ABCB4: variants seen among roughly 807,000 people sequenced by gnomAD.
ABCB4 encodes ATP binding cassette subfamily B member 4.
A neutral mutation model predicts 145.7 loss-of-function variants in ABCB4; 76 were observed. The ratio of observed to expected loss-of-function variants is 0.52; its 90% CI spans 0.43 to 0.63. The LOEUF is 0.63. Among genes scored for constraint, ABCB4 ranks in the 30% least tolerant of loss-of-function variants. ABCB4 has a pLI of 0.00. For synonymous variants in ABCB4, 517 were observed against 566.8 expected (o/e 0.91, Z 1.25); for missense variants, 1,234 against 1,553.1 (o/e 0.79, Z 3.45).
At chr7:87,416,920 A>G (rs751650822) in intron 21 of ABCB4, among the ~76,000 whole-genome samples, 1 of 152,236 alleles carries the variant, frequency 6.6e-6, no homozygotes, top group Admixed American at 6.5e-5. Context: ...ATCACAGCCA[A>G]AAAGAAGAGG....
At chr7:87,373,718 A>T in the ABCB4 span, among the ~76,000 whole-genome samples, 1 of 152,086 alleles carries the variant, frequency 6.6e-6, no homozygotes, top group Non-Finnish European at 1.5e-5. Context: ...AAAGGTGATC[A>T]TTGAAACTAT....
the ABCB4 span, among the ~76,000 whole-genome samples, chr7:87,384,694 C>T: frequency 2.0e-5 from 3 of 152,206 alleles, no homozygotes. Flanking sequence ...GTTTCCTCTG[C>T]AGTGCAGAAG....
intron 5 of ABCB4, among the ~76,000 whole-genome samples, chr7:87,453,345 G>A (rs1811887440): frequency 6.6e-6 from 1 of 151,904 alleles, no homozygotes. Context: ...CACCATACCT[G>A]GCTAATTTTT....
At chr7:87,412,575 C>T (rs1185462756) in intron 22 of ABCB4, among the ~76,000 whole-genome samples, 1 of 152,152 alleles carries the variant, frequency 6.6e-6, no homozygotes, top group Non-Finnish European at 1.5e-5. Context: ...TTATTTTGTA[C>T]AGTTTCTAAT....
intron 21 of ABCB4, among the ~76,000 whole-genome samples, chr7:87,415,901 A>G (rs550213831): frequency 9.8e-5 from 15 of 152,292 alleles, no homozygotes; most frequent in African/African-American, 3.1e-4. Flanking sequence ...ATTCTCCCAT[A>G]TGAAATGTGG....
intron 22 of ABCB4, among the ~76,000 whole-genome samples, chr7:87,412,977 T>C (rs889525102): frequency 4.6e-5 from 7 of 152,216 alleles, no homozygotes; most frequent in African/African-American, 1.4e-4. Context: ...TTCAAAGATA[T>C]CTGTTCAAAT....
chr7:87,426,818 A>G lies in ABCB4; in HGVS notation c.1996T>C (p.Ser666Pro). Reference sequence around the variant, plus strand: ...GAATTTTTAAGGTTTTTCTGAGTAGAATGCCTAAATAGGCGAGATTTCCAG... The same window carrying G: ...GAATTTTTAAGGTTTTTCTGAGTAGGATGCCTAAATAGGCGAGATTTCCAG... ...NGWKSRLFRHSTQKNLKNSQM... is the reference protein window; with the variant it reads ...NGWKSRLFRHPTQKNLKNSQM... The change falls in exon 16 of 28, where the codon TCT becomes CCT. Residue 666 changes from serine (S) to proline (P), a missense_variant. Ser to Pro is a moderately conservative substitution (Grantham distance 74). Transcript: ENST00000649586. 1 of 1,614,072 alleles carries G rather than the reference A, an allele frequency of 6.2e-7. No individual in the cohort carries two copies. Among genetic ancestry groups the G allele is most frequent in the East Asian group, 2.2e-5 (1 of 44,860 alleles).
At chr7:87,475,533 C>A (rs1218941449) in intron 1 of ABCB4, 62 bp from the exon 2 acceptor site, 1 of 1,555,742 alleles carries the variant, frequency 6.4e-7, no homozygotes, top group African/African-American at 1.4e-5. Context: ...GCGCACGAGT[C>A]GCGGGGCCCG....
rs1349163857 is a variant in ABCB4 at position 87,406,358 on chromosome 7, A to G, written c.3416T>C (p.Val1139Ala). The change falls in exon 26 of 28, where the codon GTA (valine) becomes GCA (alanine). Residue 1139 changes from valine (V) to alanine (A), a missense_variant. Physicochemically the swap from Val to Ala is moderately conservative, Grantham distance 64 (BLOSUM62 0). This residue lies in a region of ABCB4 where 301 missense variants were observed against 389.0 expected (regional missense o/e 0.77). Coordinates refer to ENST00000649586, the MANE Select transcript of ABCB4 (RefSeq NM_000443.4). The part of the protein sequence containing the change: ...NIAYGDNSRV[V>A]SQDEIVSAAK... ...TGCACTCACAATTTCATCCTGTGAT[A>G]CAACCCGGCTGTTGTCTCCATAGGC... The G allele has an allele frequency of 6.2e-7, 1 of 1,614,160 alleles. No homozygotes were observed. The highest frequency in any genetic ancestry group is 1.7e-5 in the Admixed American group (1 of 60,028).
the ABCB4 span, among the ~76,000 whole-genome samples, chr7:87,389,443 A>G: frequency 2.6e-5 from 4 of 152,238 alleles, no homozygotes; most frequent in Non-Finnish European, 5.9e-5. Context: ...CTATGCAGCC[A>G]TAAAAGAGGA....
At chr7:87,450,283 C>T (rs1385035334) in intron 7 of ABCB4, among the ~76,000 whole-genome samples, 191 bp from the exon 8 acceptor site, 1 of 152,160 alleles carries the variant, frequency 6.6e-6, no homozygotes, top group Non-Finnish European at 1.5e-5. Context: ...CTGACCCACC[C>T]TGGTGATAGG....
chr7:87,393,136 C>T, the ABCB4 span: 3 of 1,491,444 alleles, frequency 2.0e-6, no homozygotes, highest in Non-Finnish European at 2.7e-6. Context: ...TTTTTAAATG[C>T]CTTTCCTACA....
the ABCB4 span, among the ~76,000 whole-genome samples, chr7:87,378,657 A>G: frequency 8.5e-5 from 13 of 152,156 alleles, no homozygotes; most frequent in South Asian, 2.1e-4. Context: ...TTTGTTTCCA[A>G]TGGTTACAGC....
intron 12 of ABCB4, among the ~76,000 whole-genome samples, chr7:87,442,450 T>A (rs1811052010): frequency 6.6e-6 from 1 of 152,168 alleles, no homozygotes. Context: ...TAATCCATTT[T>A]AATATCAGAT....
rs775627329 is a variant in ABCB4, at chr7:87,440,394, A to G, written c.1365T>C (p.Ile455=). Reference sequence around the variant, plus strand: ...TAAAGTTCCTAATATCCTGCCCATCAATGTTAATCTGAAAGAAAGAAATAT... The same window carrying G: ...TAAAGTTCCTAATATCCTGCCCATCGATGTTAATCTGAAAGAAAGAAATAT... ...LYDPDEGTIN[I]DGQDIRNFNV... The change falls in exon 13 of 28, where the codon ATT becomes ATC. Residue 455 remains isoleucine, a synonymous_variant. Coordinates refer to ENST00000649586, the MANE Select transcript of ABCB4 (RefSeq NM_000443.4). 1 of 1,613,736 alleles carries G rather than the reference A, an allele frequency of 6.2e-7. No individual in the cohort carries two copies. The highest frequency in any genetic ancestry group is 1.7e-5 in the Admixed American group (1 of 60,018).
chr7:87,460,292 T>A (rs1056706948), intron 4 of ABCB4, among the ~76,000 whole-genome samples: 1 of 152,168 alleles, frequency 6.6e-6, no homozygotes, highest in African/African-American at 2.4e-5. Flanking sequence ...TTAAAATAAT[T>A]TCAATTTTTA....
At chr7:87,398,550 A>T, downstream of ABCB4, 1 of 1,613,836 alleles carries the variant, frequency 6.2e-7, no homozygotes, top group Non-Finnish European at 8.5e-7. Flanking sequence ...TCAGCCTGGA[A>T]ATCCTGTCCC....
At chr7:87,471,858 CT>C (rs1813432092) in intron 3 of ABCB4, among the ~76,000 whole-genome samples, 1 of 152,168 alleles carries the variant, frequency 6.6e-6, no homozygotes, top group Admixed American at 6.5e-5. Flanking sequence ...TAGTTACCCC[CT>C]ATTTAGCCAA....
intron 3 of ABCB4, among the ~76,000 whole-genome samples, chr7:87,466,248 G>A (rs759892095): frequency 1.3e-4 from 20 of 152,130 alleles, no homozygotes; most frequent in Non-Finnish European, 2.8e-4. Context: ...ACTATGTGAC[G>A]AAAGCACAAG....
Sources: gnomAD v4.1 joint callset for allele counts (sites outside exome capture counted in the v4.1 genomes callset) on GRCh38, gnomAD v4.1.1 for gene constraint, gnomAD v4.1.1 regional missense constraint, MANE v1.5 for transcripts, NCBI Gene and HGNC (gene_info 2026-07-23, HGNC 2026-07-21) for gene names.